Variants in BRS3 observed in about 807,000 individuals in gnomAD.
BRS3 encodes bombesin receptor subtype 3.
BRS3 carries 5 observed loss-of-function variants against 18.8 expected under a neutral mutation model. The observed-to-expected ratio is 0.27, with a 90% CI of 0.14 to 0.56. The LOEUF is 0.56. Ranked by LOEUF, BRS3 falls within the 20% of genes least tolerant of loss-of-function variation. BRS3 has a pLI of 0.93. For synonymous variants in BRS3, 121 were observed against 115.0 expected (o/e 1.05, Z -0.33); for missense variants, 215 against 296.3 (o/e 0.73, Z 2.01).
Position 136,490,479 on chromosome X carries a change from A to G in BRS3, c.781A>G (p.Lys261Glu). 1 of 1,158,666 alleles carries G rather than the reference A, an allele frequency of 8.6e-7. No individual in the cohort carries two copies. Among genetic ancestry groups the G allele is most frequent in the Admixed American group, 2.5e-5 (1 of 40,415 alleles). The change falls in exon 2 of 3, where the codon AAG (lysine) becomes GAG (glutamate). Residue 261 changes from lysine to glutamate, a missense_variant. Around this residue, in one of 3 missense-constraint regions of BRS3, gnomAD observed 123 missense variants for 207.6 expected, o/e 0.59. Coordinates refer to ENST00000370648, the MANE Select transcript of BRS3 (RefSeq NM_001727.2). ...TACTGAGGAACAAAGCCATGCCCGT[A>G]AGCAGGTATGTATTAATCAGTACTC... ...IPTEEQSHAR[K>E]QIESRKRIAR...
At position 136,488,347 on chromosome X, in the gene BRS3, T is replaced by G; in HGVS notation, c.233T>G (p.Met78Arg). Residue 78 changes from methionine (M) to arginine (R), a missense_variant, in exon 1 of 3, where the codon ATG becomes AGG. Met to Arg is a moderately conservative substitution (Grantham distance 91). This residue lies in a region of BRS3 where 123 missense variants were observed against 207.6 expected (regional missense o/e 0.59). Transcript: ENST00000370648. ...AAAGTCTTTTTCAAGACCAAATCCA[T>G]GCAAACAGTTCCAAATATTTTCATC... ...LIKVFFKTKS[M>R]QTVPNIFITS... The G allele has an allele frequency of 8.3e-7, 1 of 1,212,016 alleles. No homozygotes were observed. The highest frequency in any genetic ancestry group is 1.1e-6 in the Non-Finnish European group (1 of 895,561).
At chrX:136,491,706 G>T (rs1341668921) in intron 2 of BRS3, among the ~76,000 whole-genome samples, 3 of 111,133 alleles carry the variant, frequency 2.7e-5, no homozygotes, top group Non-Finnish European at 5.7e-5. Flanking sequence ...ATGAGCCCAA[G>T]ATCAGAGGTT....
In BRS3 at chrX:136,488,089, T is replaced by C; in HGVS notation, c.-26T>C. 8.6e-7 allele frequency: 1 copy of C among 1,163,526 alleles called. No individual in the cohort carries two copies. The highest frequency in any genetic ancestry group is 1.1e-6 in the Non-Finnish European group (1 of 871,527). On this transcript the variant is annotated 5_prime_UTR_variant, in exon 1 of 3. Coordinates refer to ENST00000370648, the MANE Select transcript of BRS3 (RefSeq NM_001727.2). ...CTGCATTTGAACTGAGAAGAAGAAA[T>C]ATTAAAGACACAGTCTTCAGAAGAA...
At position 136,492,431 on chromosome X, in the gene BRS3, G is replaced by A; in HGVS notation, c.*56G>A. Reference sequence around the variant, plus strand: ...CAGCGTGTGTATCCGACTCTAAGCTGTGTGCAGGTGTATGGTGTCCAGATT... The same window carrying A: ...CAGCGTGTGTATCCGACTCTAAGCTATGTGCAGGTGTATGGTGTCCAGATT... On this transcript the variant is annotated 3_prime_UTR_variant, in exon 3 of 3. Transcript: ENST00000370648. 2 of 1,113,509 alleles carry A rather than the reference G, an allele frequency of 1.8e-6. No homozygotes were observed. Among genetic ancestry groups the A allele is most frequent in the Admixed American group, 2.5e-5 (1 of 39,784 alleles). 91.8% of individuals were successfully genotyped at this position (1,113,509 alleles called of 1,213,427 possible).
rs916768852 is a variant in BRS3, at chrX:136,492,504, ATAAG to A, written c.*137_*140del. On this transcript the variant is annotated 3_prime_UTR_variant, in exon 3 of 3. Coordinates refer to ENST00000370648, the MANE Select transcript of BRS3 (RefSeq NM_001727.2). ...GAAATCTTAGGAGTGAAGGATCCCT[ATAAG>A]TAAGTAAAATACAAACCATTACTTT... 30 of 627,296 alleles carry A rather than the reference ATAAG, an allele frequency of 4.8e-5. No individual in the cohort carries two copies. Among genetic ancestry groups the A allele is most frequent in the Non-Finnish European group, 5.8e-5 (25 of 433,510 alleles). The allele number at this position is 627,296 out of a possible 1,213,427, so 51.7% of individuals were successfully genotyped here.
Position 136,490,121 on chromosome X carries a change from ATG to A in BRS3, c.435-8_435-7del, listed in dbSNP as rs779667181. 2 of 1,165,206 alleles carry A rather than the reference ATG, an allele frequency of 1.7e-6. No individual in the cohort carries two copies. The highest frequency in any genetic ancestry group is 2.4e-5 in the Admixed American group (1 of 40,934). Reference sequence around the variant, plus strand: ...TTTATTTGGACCTTTGCCTCTGATTATGTGTTTCTAGATACAAGGCAGTTGTG... The same window carrying A: ...TTTATTTGGACCTTTGCCTCTGATTATGTTTCTAGATACAAGGCAGTTGTG... On this transcript the variant is annotated splice_polypyrimidine_tract_variant and intron_variant, in intron 1 of 2. Transcript: ENST00000370648.
intron 2 of BRS3, 39 bp from the exon 3 acceptor site, chrX:136,491,923 T>TG: frequency 4.8e-6 from 3 of 627,751 alleles, no homozygotes; most frequent in African/African-American, 2.9e-5. Context: ...GTTTTTTTTT[T>TG]TTTTTTTTTT....
rs1392099813 is a variant in BRS3, at chrX:136,488,564, C to A, written c.434+16C>A. The stretch of plus-strand genomic sequence containing the variant: ...GCGCTGACAGGTGAGTTTCTTTTCT[C>A]CATTATATTTGCCAGGATGTGAAAT... On this transcript the variant is annotated intron_variant, in intron 1 of 2. Coordinates refer to ENST00000370648, the MANE Select transcript of BRS3 (RefSeq NM_001727.2). The A allele has an allele frequency of 1.7e-6, 2 of 1,180,751 alleles. No homozygotes were observed. Among genetic ancestry groups the A allele is most frequent in the Admixed American group, 4.7e-5 (2 of 42,153 alleles).
chrX:136,492,292 G>A lies in BRS3; in HGVS notation c.1117G>A (p.Gly373Ser), dbSNP rs144381228. The A allele has an allele frequency of 2.5e-6, 3 of 1,209,352 alleles. No homozygotes were observed. The highest frequency in any genetic ancestry group is 3.4e-6 in the Non-Finnish European group (3 of 895,114). ...TTLAVMGTVP[G>S]TGSIQMSEIS... The stretch of plus-strand genomic sequence containing the variant: ...CCTGGCTGTGATGGGAACGGTCCCG[G>A]GCACTGGGAGCATACAGATGTCTGA... The change falls in exon 3 of 3, where the codon GGC (glycine) becomes AGC (serine). Residue 373 changes from glycine (G) to serine (S), a missense_variant. This residue lies in a region of BRS3 where 45 missense variants were observed against 45.5 expected (regional missense o/e 0.99). Transcript: ENST00000370648.
Position 136,490,174 on chromosome X carries a change from A to T in BRS3, c.476A>T (p.Asn159Ile). 8.3e-7 allele frequency: 1 copy of T among 1,207,214 alleles called. No homozygotes were observed. The highest frequency in any genetic ancestry group is 1.1e-6 in the Non-Finnish European group (1 of 892,203). ...VVKPLERQPS[N>I]AILKTCVKAG... ...AAGCCACTTGAGCGACAGCCCTCCAATGCCATCCTGAAGACTTGTGTAAAA... is the reference window on the plus strand; with the variant it reads ...AAGCCACTTGAGCGACAGCCCTCCATTGCCATCCTGAAGACTTGTGTAAAA... The change falls in exon 2 of 3, where the codon AAT becomes ATT. Residue 159 changes from asparagine to isoleucine, a missense_variant. Around this residue, in one of 3 missense-constraint regions of BRS3, gnomAD observed 123 missense variants for 207.6 expected, o/e 0.59. Transcript: ENST00000370648.
In BRS3 at chrX:136,492,536, T is replaced by C; in HGVS notation, c.*161T>C. On this transcript the variant is annotated 3_prime_UTR_variant, in exon 3 of 3. Transcript: ENST00000370648. ...AGTAAAATACAAACCATTACTTTCT[T>C]CAAAGTACAAATAGTAATGTCATCG... 1 of 477,731 alleles carries C rather than the reference T, an allele frequency of 2.1e-6. No individual in the cohort carries two copies. The highest frequency in any genetic ancestry group is 3.2e-6 in the Non-Finnish European group (1 of 312,645). The allele number at this position is 477,731 out of a possible 1,213,427, so 39.4% of individuals were successfully genotyped here. A position where few individuals can be genotyped will look rare whatever the true frequency, so the allele number is the denominator to read the frequency against.
At chrX:136,490,561 T>C in intron 2 of BRS3, 77 bp downstream of exon 2, 1 of 793,352 alleles carries the variant, frequency 1.3e-6, no homozygotes, top group Non-Finnish European at 1.8e-6. Flanking sequence ...AGTGAGTAAC[T>C]GTGTATCTTC....
chrX:136,489,378 G>C (rs1041685894), intron 1 of BRS3, among the ~76,000 whole-genome samples: 3 of 112,057 alleles, frequency 2.7e-5, no homozygotes, highest in African/African-American at 9.7e-5. Context: ...GGCAGTACCA[G>C]AAGGAATAAC....
chrX:136,492,549 A>G lies in BRS3; in HGVS notation c.*174A>G, dbSNP rs1031606529. 2.4e-6 allele frequency: 1 copy of G among 425,315 alleles called. No individual in the cohort carries two copies. 35.1% of individuals were successfully genotyped at this position (425,315 alleles called of 1,213,427 possible). On this transcript the variant is annotated 3_prime_UTR_variant, in exon 3 of 3. Transcript: ENST00000370648. ...CCATTACTTTCTTCAAAGTACAAAT[A>G]GTAATGTCATCGGGCTTTCTAAATA... is the stretch of plus-strand genomic sequence containing the variant.
Position 136,492,583 on chromosome X carries a change from C to T in BRS3, c.*208C>T, listed in dbSNP as rs2075674542. 1 of 357,741 alleles carries T rather than the reference C, an allele frequency of 2.8e-6. No individual in the cohort carries two copies. The highest frequency in any genetic ancestry group is 2.6e-5 in the African/African-American group (1 of 38,535). The allele number at this position is 357,741 out of a possible 1,213,427, so 29.5% of individuals were successfully genotyped here. A position where few individuals can be genotyped will look rare whatever the true frequency, so the allele number is the denominator to read the frequency against. On this transcript the variant is annotated 3_prime_UTR_variant, in exon 3 of 3. Coordinates refer to ENST00000370648, the MANE Select transcript of BRS3 (RefSeq NM_001727.2). Reference sequence around the variant, plus strand: ...ATCGGGCTTTCTAAATAAAATGAAGCCCCACTAAGTGCAGAAAGACAAGTT... The same window carrying T: ...ATCGGGCTTTCTAAATAAAATGAAGTCCCACTAAGTGCAGAAAGACAAGTT...
chrX:136,491,904 G>GTTGTGT, intron 2 of BRS3, 58 bp from the exon 3 acceptor site: 1 of 691,052 alleles, frequency 1.4e-6, no homozygotes, highest in East Asian at 5.2e-5. Context: ...TGTTGTTGTT[G>GTTGTGT]TTTTTTGTGT....
At position 136,488,266 on chromosome X, in the gene BRS3, A is replaced by G; in HGVS notation, c.152A>G (p.Tyr51Cys). ...SPGIEALCAI[Y>C]ITYAVIISVG... ...GGAATAGAAGCATTGTGTGCCATCT[A>G]TATTACTTATGCTGTGATCATTTCA... Residue 51 changes from tyrosine to cysteine, a missense_variant, in exon 1 of 3, where the codon TAT becomes TGT. Physicochemically the swap from Tyr to Cys is radical, Grantham distance 194. Around this residue, in one of 3 missense-constraint regions of BRS3, gnomAD observed 47 missense variants for 43.1 expected, o/e 1.09. Transcript: ENST00000370648. The G allele has an allele frequency of 1.7e-6, 2 of 1,212,050 alleles. No homozygotes were observed. Among genetic ancestry groups the G allele is most frequent in the Non-Finnish European group, 2.2e-6 (2 of 895,612 alleles).
rs2075674150 is a variant in BRS3 at position 136,492,443 on chromosome X, A to C, written c.*68A>C. Reference sequence around the variant, plus strand: ...CCGACTCTAAGCTGTGTGCAGGTGTATGGTGTCCAGATTTTTGTTGTTTGA... The same window carrying C: ...CCGACTCTAAGCTGTGTGCAGGTGTCTGGTGTCCAGATTTTTGTTGTTTGA... On this transcript the variant is annotated 3_prime_UTR_variant, in exon 3 of 3. Transcript: ENST00000370648. 9.4e-7 allele frequency: 1 copy of C among 1,064,792 alleles called. No individual in the cohort carries two copies. Among genetic ancestry groups the C allele is most frequent in the African/African-American group, 1.8e-5 (1 of 54,058 alleles). The allele number at this position is 1,064,792 out of a possible 1,213,427, so 87.8% of individuals were successfully genotyped here. A position where few individuals can be genotyped will look rare whatever the true frequency, so the allele number is the denominator to read the frequency against.
At chrX:136,488,694 T>A in intron 1 of BRS3, 146 bp downstream of exon 1, 1 of 608,845 alleles carries the variant, frequency 1.6e-6, no homozygotes, top group Non-Finnish European at 2.4e-6. Context: ...TGGTGGCATT[T>A]AAAATAAAAG....
Sources: gnomAD v4.1 joint callset for allele counts (sites outside exome capture counted in the v4.1 genomes callset) on GRCh38, gnomAD v4.1.1 for gene constraint, gnomAD v4.1.1 regional missense constraint, MANE v1.5 for transcripts, NCBI Gene and HGNC (gene_info 2026-07-23, HGNC 2026-07-21) for gene names.